Variants in FOXN3 observed in about 807,000 individuals in gnomAD.
The protein encoded by FOXN3 is forkhead box N3, also known as forkhead box protein N3.
A neutral mutation model predicts 38.4 loss-of-function variants in FOXN3; 7 were observed. The ratio of observed to expected loss-of-function variants is 0.18; its 90% confidence interval spans 0.10 to 0.34. The LOEUF is 0.34. Among genes scored for constraint, FOXN3 ranks in the 10% least tolerant of loss-of-function variants. The probability of loss-of-function intolerance (pLI) is 1.00; values close to 1 mark genes in which losing one functional copy is unlikely to be tolerated. For synonymous variants in FOXN3, 230 were observed against 242.2 expected (o/e 0.95, Z 0.47); for missense variants, 456 against 613.4 (o/e 0.74, Z 2.71).
intron 1 of FOXN3, among the ~76,000 whole-genome samples, chr14:89,610,656 A>T (rs966939439): frequency 6.6e-6 from 1 of 152,196 alleles, no homozygotes; most frequent in Non-Finnish European, 1.5e-5. Context: ...TATGAACTTC[A>T]AAAGAGCCAC....
At chr14:89,363,965 T>TATATAAA (rs1555421717) in intron 2 of FOXN3, among the ~76,000 whole-genome samples, 1 of 39,598 alleles carries the variant, frequency 2.5e-5, no homozygotes, top group South Asian at 5.1e-4. Context: ...TATATATATA[T>TATATAAA]ATATATATAT....
At chr14:89,530,180 C>T (rs556536610) in intron 1 of FOXN3, among the ~76,000 whole-genome samples, 6 of 152,168 alleles carry the variant, frequency 3.9e-5, no homozygotes, top group Non-Finnish European at 5.9e-5. Context: ...CCTCGTGATC[C>T]GCCTGCCTCA....
At chr14:89,231,502 T>TCGAG (rs1160204838) in intron 4 of FOXN3, among the ~76,000 whole-genome samples, 2 of 151,888 alleles carry the variant, frequency 1.3e-5, no homozygotes, top group East Asian at 3.9e-4. Flanking sequence ...AATGCAGGGG[T>TCGAG]CTCGGTCCAC....
In FOXN3 at chr14:89,269,022, T is replaced by C. The variant is rs143172213; in HGVS notation, c.745+11928A>G. Among the ~76,000 whole-genome samples, 5 of 152,378 alleles carry C rather than the reference T, an allele frequency of 3.3e-5. No homozygotes were observed. The East Asian group carries it at 9.6e-4, about 29-fold the overall frequency. ...ATGATCAGCACACAATCGACCTTTA[T>C]ACATGTCACAGCCTTCTTGTTTCTT... On this transcript the variant is annotated intron_variant, in intron 4 of 5. Transcript: ENST00000557258.
chr14:89,192,059 A>G (rs979539220), intron 4 of FOXN3, among the ~76,000 whole-genome samples: 1 of 146,738 alleles, frequency 6.8e-6, no homozygotes, highest in African/African-American at 2.5e-5. Context: ...ATAATAATAT[A>G]CATACTATAT....
At position 89,158,510 on chromosome 14, in the gene FOXN3, T is replaced by A. The variant is rs1384175532; in HGVS notation, c.*3904A>T. ...GGCCATGGTTTTCTCCAACCACCAG[T>A]GAAATATGGGTTTGGTTCATTTTAG... On this transcript the variant is annotated 3_prime_UTR_variant, in exon 6 of 6. Transcript: ENST00000557258. 1 of 152,620 alleles carries A rather than the reference T, an allele frequency of 6.6e-6. No individual in the cohort carries two copies. Among genetic ancestry groups the A allele is most frequent in the African/African-American group, 2.4e-5 (1 of 41,440 alleles). 9.5% of individuals were successfully genotyped at this position (152,620 alleles called of 1,614,324 possible).
rs544021578 is a variant in FOXN3, at chr14:89,245,891, G to A, written c.745+35059C>T. Among the ~76,000 whole-genome samples the A allele has an allele frequency of 2.6e-5, 4 of 152,018 alleles. No homozygotes were observed. In the East Asian group the frequency reaches 5.8e-4, roughly 22 times the overall value. ...TCTGGCATCCCCCAGACCCCAACCC[G>A]CAGCCCTGTGACACTTGCTGGAAAG... On this transcript the variant is annotated intron_variant, in intron 4 of 5. Transcript: ENST00000557258.
intron 1 of FOXN3, among the ~76,000 whole-genome samples, chr14:89,461,336 C>CAAAAAAAAAAAAAA (rs750351493): frequency 7.8e-6 from 1 of 129,016 alleles, no homozygotes; most frequent in African/African-American, 2.8e-5. Flanking sequence ...GGCTCTGTCT[C>CAAAAAAAAAAAAAA]AAAAAAAAAA....
chr14:89,452,390 C>G lies in FOXN3; in HGVS notation c.-14-39900G>C, dbSNP rs116848198. Among the ~76,000 whole-genome samples the G allele has an allele frequency of 1.1e-3, 160 of 152,310 alleles. 2 individuals carry two copies. In the East Asian group the frequency reaches 0.028, roughly 27 times the overall value. On this transcript the variant is annotated intron_variant, in intron 1 of 6. Transcript: ENST00000345097. ...GCCAAGCCCATCCCCATCTCCCCAG[C>G]ACGCTGGGGAGGGCCGGAATGAGCA...
intron 3 of FOXN3, among the ~76,000 whole-genome samples, chr14:89,293,619 C>T (rs1199229760): frequency 6.6e-6 from 1 of 152,174 alleles, no homozygotes; most frequent in African/African-American, 2.4e-5. Context: ...GAGGGTGCAC[C>T]CCACTCCAGT....
At chr14:89,439,611 C>G (rs1332674414) in intron 1 of FOXN3, among the ~76,000 whole-genome samples, 1 of 151,554 alleles carries the variant, frequency 6.6e-6, no homozygotes, top group African/African-American at 2.4e-5. Flanking sequence ...GAGCAATGAG[C>G]AGCACTCAGG....
At chr14:89,450,661 C>T (rs998108020) in intron 1 of FOXN3, among the ~76,000 whole-genome samples, 1 of 151,696 alleles carries the variant, frequency 6.6e-6, no homozygotes, top group Non-Finnish European at 1.5e-5. Flanking sequence ...TCTCGGCTCA[C>T]TGTAACATCC....
intron 1 of FOXN3, among the ~76,000 whole-genome samples, chr14:89,535,149 T>G (rs927820324): frequency 3.3e-5 from 5 of 152,134 alleles, no homozygotes; most frequent in African/African-American, 7.2e-5. Flanking sequence ...ATTATTTTAC[T>G]CTGGCATGAC....
At chr14:89,463,816 C>T (rs1892912462) in intron 1 of FOXN3, among the ~76,000 whole-genome samples, 1 of 144,590 alleles carries the variant, frequency 6.9e-6, no homozygotes, top group Non-Finnish European at 1.5e-5. Context: ...TGGAGTTGTG[C>T]TCTTGTCACT....
intron 1 of FOXN3, among the ~76,000 whole-genome samples, chr14:89,464,817 C>G (rs952828220): frequency 6.6e-6 from 1 of 152,130 alleles, no homozygotes; most frequent in East Asian, 1.9e-4. Flanking sequence ...CCTGCCTCAG[C>G]CTCTCGAATA....
At chr14:89,219,883 A>G (rs1884408965) in intron 4 of FOXN3, among the ~76,000 whole-genome samples, 4 of 152,188 alleles carry the variant, frequency 2.6e-5, no homozygotes. Context: ...TGCAGCACTG[A>G]GGTATCATTG....
intron 1 of FOXN3, among the ~76,000 whole-genome samples, chr14:89,482,948 C>G (rs1378214024): frequency 6.6e-6 from 1 of 151,302 alleles, no homozygotes; most frequent in Non-Finnish European, 1.5e-5. Flanking sequence ...TGGCTCACAC[C>G]TATAATCCCA....
chr14:89,473,755 A>G (rs1893156462), intron 1 of FOXN3, among the ~76,000 whole-genome samples: 1 of 152,242 alleles, frequency 6.6e-6, no homozygotes. Flanking sequence ...TTTTCCTGGT[A>G]AATCCAGAGT....
At chr14:89,588,134 T>C (rs1895881975) in intron 1 of FOXN3, among the ~76,000 whole-genome samples, 1 of 152,072 alleles carries the variant, frequency 6.6e-6, no homozygotes, top group South Asian at 2.1e-4. Flanking sequence ...TCGCAAGACC[T>C]GGTCATTTGT....
Sources: gnomAD v4.1 joint callset for allele counts (sites outside exome capture counted in the v4.1 genomes callset) on GRCh38, gnomAD v4.1.1 for gene constraint, MANE v1.5 for transcripts, NCBI Gene and HGNC (gene_info 2026-07-23, HGNC 2026-07-21) for gene names.